KDM4C: variants seen among roughly 807,000 people sequenced by gnomAD.
The protein encoded by KDM4C is lysine demethylase 4C, also known as lysine-specific demethylase 4C.
KDM4C carries 81 observed loss-of-function variants against 129.3 expected under a neutral mutation model. The ratio of observed to expected loss-of-function variants is 0.63; its 90% CI spans 0.52 to 0.75. The LOEUF (loss-of-function observed/expected upper bound fraction) is 0.75. Among genes scored for constraint, KDM4C ranks in the 30% least tolerant of loss-of-function variants. KDM4C has a pLI of 0.00. For synonymous variants in KDM4C, 573 were observed against 456.1 expected (o/e 1.26, Z -3.26); for missense variants, 1,457 against 1,304.0 (o/e 1.12, Z -1.81).
intron 1 of KDM4C, among the ~76,000 whole-genome samples, chr9:6,730,127 A>AG (rs1208354412): frequency 6.6e-6 from 1 of 151,780 alleles, no homozygotes; most frequent in African/African-American, 2.4e-5. Context: ...AGAAAAAAAA[A>AG]AAGGCTTGTC....
chr9:7,081,169 T>G (rs553263079), intron 17 of KDM4C, among the ~76,000 whole-genome samples: 1 of 152,332 alleles, frequency 6.6e-6, no homozygotes, highest in East Asian at 1.9e-4. Flanking sequence ...TTACTTCACT[T>G]AATGTTGTCA....
At chr9:6,960,504 C>G (rs151291272) in intron 8 of KDM4C, among the ~76,000 whole-genome samples, 16 of 152,116 alleles carry the variant, frequency 1.1e-4, no homozygotes, top group Non-Finnish European at 2.2e-4. Context: ...AGCAGTCCTC[C>G]TACCTCGGCC....
At chr9:7,093,261 G>A (rs1836013516) in intron 17 of KDM4C, among the ~76,000 whole-genome samples, 1 of 152,128 alleles carries the variant, frequency 6.6e-6, no homozygotes, top group African/African-American at 2.4e-5. Flanking sequence ...GCATGGTGTT[G>A]TTGATTCATT....
chr9:6,954,650 G>A (rs1828755028), intron 8 of KDM4C, among the ~76,000 whole-genome samples: 1 of 152,122 alleles, frequency 6.6e-6, no homozygotes, highest in Non-Finnish European at 1.5e-5. Context: ...ATTGTGAAAG[G>A]CAGCTTTTAC....
intron 17 of KDM4C, among the ~76,000 whole-genome samples, chr9:7,092,158 A>G (rs1200077469): frequency 1.3e-5 from 2 of 152,170 alleles, no homozygotes; most frequent in African/African-American, 4.8e-5. Flanking sequence ...AATAGTAGGA[A>G]TGACCGTGTT....
chr9:6,912,413 C>T (rs953145512), intron 8 of KDM4C, among the ~76,000 whole-genome samples: 1 of 152,194 alleles, frequency 6.6e-6, no homozygotes. Flanking sequence ...CCTTGACATG[C>T]TTCACATAGG....
chr9:7,172,368 A>G (rs1020636800), intron 21 of KDM4C, among the ~76,000 whole-genome samples: 2 of 152,206 alleles, frequency 1.3e-5, no homozygotes, highest in African/African-American at 4.8e-5. Context: ...GCAACGGTGC[A>G]TAATTAGCTA....
intron 15 of KDM4C, among the ~76,000 whole-genome samples, chr9:7,029,823 A>G (rs1455864024): frequency 1.3e-5 from 2 of 152,190 alleles, no homozygotes; most frequent in African/African-American, 4.8e-5. Flanking sequence ...TGTAACATCC[A>G]ACTCCCTTTT....
chr9:7,041,823 C>T (rs140186407), intron 15 of KDM4C, among the ~76,000 whole-genome samples: 23 of 152,144 alleles, frequency 1.5e-4, no homozygotes, highest in African/African-American at 5.3e-4. Context: ...TGAGGAGATT[C>T]TGAAGATCTG....
intron 19 of KDM4C, among the ~76,000 whole-genome samples, chr9:7,138,543 G>A (rs1452518807): frequency 6.6e-6 from 1 of 152,142 alleles, no homozygotes; most frequent in East Asian, 1.9e-4. Context: ...GGCCAGGCAC[G>A]GTGGCTCACA....
intron 18 of KDM4C, among the ~76,000 whole-genome samples, chr9:7,121,139 GTT>G (rs1839442218): frequency 6.6e-6 from 1 of 152,124 alleles, no homozygotes; most frequent in Non-Finnish European, 1.5e-5. Context: ...AGATTTAGCG[GTT>G]TAAACCAGTG....
chr9:7,036,518 A>G (rs932528272), intron 15 of KDM4C, among the ~76,000 whole-genome samples: 4 of 152,100 alleles, frequency 2.6e-5, no homozygotes, highest in Non-Finnish European at 2.9e-5. Context: ...TAATTTTCAT[A>G]GCATTGTAAA....
chr9:6,909,222 A>T (rs1329809646), intron 8 of KDM4C, among the ~76,000 whole-genome samples: 1 of 152,248 alleles, frequency 6.6e-6, no homozygotes, highest in East Asian at 1.9e-4. Flanking sequence ...CTTCTTGTCC[A>T]GCTGTAGCTC....
At chr9:7,125,386 C>T (rs1420747144) in intron 18 of KDM4C, among the ~76,000 whole-genome samples, 1 of 152,216 alleles carries the variant, frequency 6.6e-6, no homozygotes, top group Non-Finnish European at 1.5e-5. Flanking sequence ...GAGATGGCTT[C>T]ATGGCACATA....
chr9:6,752,760 C>G (rs1818113955), upstream of KDM4C, among the ~76,000 whole-genome samples: 1 of 152,096 alleles, frequency 6.6e-6, no homozygotes, highest in African/African-American at 2.4e-5. Context: ...CTCTTTCCAA[C>G]TAATATATGA....
intron 8 of KDM4C, among the ~76,000 whole-genome samples, chr9:6,936,824 G>C (rs1824884087): frequency 6.6e-6 from 1 of 152,172 alleles, no homozygotes; most frequent in Admixed American, 6.5e-5. Flanking sequence ...TATCTCCTCT[G>C]TGCTTTAGTT....
At chr9:6,771,696 A>G (rs1214122958) in intron 1 of KDM4C, among the ~76,000 whole-genome samples, 1 of 152,178 alleles carries the variant, frequency 6.6e-6, no homozygotes, top group Non-Finnish European at 1.5e-5. Context: ...TTCTGATAGG[A>G]CTAAATAGGC....
chr9:7,043,080 TC>T, intron 15 of KDM4C, among the ~76,000 whole-genome samples: 1 of 152,060 alleles, frequency 6.6e-6, no homozygotes, highest in East Asian at 1.9e-4. Context: ...TATCACTTAA[TC>T]TTTTGAATCT....
chr9:6,794,796 G>C (rs888780313), intron 2 of KDM4C, among the ~76,000 whole-genome samples: 3 of 152,086 alleles, frequency 2.0e-5, no homozygotes, highest in Admixed American at 1.3e-4. Context: ...CATGCCCCGA[G>C]TCATAGGGGT....
Sources: gnomAD v4.1 joint callset for allele counts (sites outside exome capture counted in the v4.1 genomes callset) on GRCh38, gnomAD v4.1.1 for gene constraint, MANE v1.5 for transcripts, NCBI Gene and HGNC (gene_info 2026-07-23, HGNC 2026-07-21) for gene names.